The following CSMD1 variants were observed in gnomAD, a reference collection of about 807,000 sequenced individuals.
CSMD1 encodes the protein CUB and Sushi multiple domains 1.
Under a neutral mutation model 417.5 loss-of-function variants are expected in CSMD1, and 213 were observed. The observed-to-expected ratio is 0.51, with a 90% CI of 0.46 to 0.57. The LOEUF (loss-of-function observed/expected upper bound fraction) is 0.57. Ranked by LOEUF, CSMD1 falls within the 20% of genes least tolerant of loss-of-function variation. CSMD1 has a pLI of 0.00. For missense variants in CSMD1, 6,923 were observed against 4,529.7 expected, an observed-to-expected ratio of 1.53 and a Z score of -15.17; for synonymous variants, 2,862 against 1,736.8, an observed-to-expected ratio of 1.65 and a Z score of -16.11.
chr8:3,632,466 A>G (rs1459946701), intron 7 of CSMD1, among the ~76,000 whole-genome samples: 4 of 152,204 alleles, frequency 2.6e-5, no homozygotes, highest in African/African-American at 7.2e-5. Context: ...AAGTGCCTAC[A>G]TATATCTCAT....
intron 3 of CSMD1, among the ~76,000 whole-genome samples, chr8:4,072,467 G>T (rs190379810): frequency 4.8e-4 from 73 of 152,104 alleles, no homozygotes; most frequent in African/African-American, 1.6e-3. Context: ...TTATTATTTC[G>T]CACTTGTAGT....
chr8:4,616,048 A>T (rs764451784), intron 2 of CSMD1, among the ~76,000 whole-genome samples: 13 of 152,170 alleles, frequency 8.5e-5, no homozygotes, highest in Non-Finnish European at 1.5e-5. Flanking sequence ...ACTTAGTTCT[A>T]CCCAATAGTC....
intron 1 of CSMD1, among the ~76,000 whole-genome samples, chr8:4,917,122 G>T (rs565328760): frequency 6.6e-6 from 1 of 152,276 alleles, no homozygotes; most frequent in South Asian, 2.1e-4. Context: ...TTACAGTCAT[G>T]GTGGAAGGGA....
chr8:3,483,602 G>T (rs988411123), intron 11 of CSMD1, among the ~76,000 whole-genome samples: 3 of 151,826 alleles, frequency 2.0e-5, no homozygotes, highest in Non-Finnish European at 4.4e-5. Context: ...TAACAAAAGA[G>T]AAAATATTTT....
At chr8:4,291,668 A>C (rs534169310) in intron 3 of CSMD1, among the ~76,000 whole-genome samples, 1 of 152,194 alleles carries the variant, frequency 6.6e-6, no homozygotes, top group Non-Finnish European at 1.5e-5. Context: ...TTCCTACCAG[A>C]AAGATACAAA....
intron 1 of CSMD1, among the ~76,000 whole-genome samples, chr8:4,758,392 G>C (rs945066605): frequency 6.6e-6 from 1 of 152,134 alleles, no homozygotes; most frequent in Middle Eastern, 3.2e-3. Context: ...AATCCTGGTA[G>C]AATGAGCAAG....
intron 5 of CSMD1, among the ~76,000 whole-genome samples, chr8:3,770,050 G>C (rs766829547): frequency 1.3e-5 from 2 of 152,124 alleles, no homozygotes; most frequent in Non-Finnish European, 2.9e-5. Flanking sequence ...TGTGATTCCT[G>C]ATCAGGGAAG....
At chr8:3,098,880 T>A (rs1815533942) in intron 46 of CSMD1, among the ~76,000 whole-genome samples, 1 of 150,332 alleles carries the variant, frequency 6.7e-6, no homozygotes, top group Non-Finnish European at 1.5e-5. Context: ...TTAGAGCCAA[T>A]ATACACAATT....
At chr8:4,864,925 G>A (rs767862080) in intron 1 of CSMD1, among the ~76,000 whole-genome samples, 5 of 145,834 alleles carry the variant, frequency 3.4e-5, no homozygotes, top group Non-Finnish European at 6.0e-5. Context: ...TGATATAACT[G>A]TTCTACAACA....
chr8:3,982,495 A>T (rs1184591641), intron 5 of CSMD1, among the ~76,000 whole-genome samples: 1 of 152,192 alleles, frequency 6.6e-6, no homozygotes. Flanking sequence ...AGGACCAGAA[A>T]AATAACGCAT....
chr8:4,039,298 C>G (rs1470523805), intron 3 of CSMD1, among the ~76,000 whole-genome samples: 1 of 152,120 alleles, frequency 6.6e-6, no homozygotes, highest in Non-Finnish European at 1.5e-5. Context: ...TGTGTACTTT[C>G]TATGTAAACC....
At chr8:3,005,231 C>A (rs1343232407) in intron 52 of CSMD1, among the ~76,000 whole-genome samples, 1 of 152,114 alleles carries the variant, frequency 6.6e-6, no homozygotes, top group African/African-American at 2.4e-5. Context: ...TGGGTGGGAC[C>A]CAGGAATTTG....
At chr8:4,032,177 C>G (rs2130578001) in intron 3 of CSMD1, 78 bp from the exon 4 acceptor site, 1 of 1,011,810 alleles carries the variant, frequency 9.9e-7, no homozygotes, top group Non-Finnish European at 1.4e-6. Context: ...AAAACAGACA[C>G]CATTTTTGAA....
intron 1 of CSMD1, among the ~76,000 whole-genome samples, chr8:4,693,332 A>G (rs527488920): frequency 1.3e-5 from 2 of 152,356 alleles, no homozygotes; most frequent in African/African-American, 2.4e-5. Flanking sequence ...ATAATGTGAT[A>G]CAGGGATGCA....
At chr8:3,916,413 C>T (rs2954620) in intron 5 of CSMD1, among the ~76,000 whole-genome samples, 2 of 152,156 alleles carry the variant, frequency 1.3e-5, no homozygotes, top group East Asian at 1.9e-4. Context: ...ATTTCTAAAA[C>T]TGTCTTAACA....
intron 8 of CSMD1, chr8:3,613,194 A>T (rs1303330770): frequency 4.2e-6 from 1 of 239,188 alleles, no homozygotes; most frequent in East Asian, 1.5e-4. Context: ...AAAGATACAC[A>T]CTATCAAAGC....
At chr8:3,861,516 G>C (rs975402523) in intron 5 of CSMD1, among the ~76,000 whole-genome samples, 19 of 152,156 alleles carry the variant, frequency 1.2e-4, no homozygotes, top group African/African-American at 4.3e-4. Flanking sequence ...ACCTGCACCT[G>C]ATGCCTCTTG....
intron 7 of CSMD1, among the ~76,000 whole-genome samples, chr8:3,629,490 C>T (rs1030309402): frequency 1.3e-5 from 2 of 152,134 alleles, no homozygotes; most frequent in African/African-American, 4.8e-5. Context: ...CACAATACAC[C>T]TAGCATTGCT....
intron 17 of CSMD1, among the ~76,000 whole-genome samples, chr8:3,395,316 C>T (rs1006588452): frequency 6.6e-6 from 1 of 152,092 alleles, no homozygotes; most frequent in South Asian, 2.1e-4. Context: ...CTTTTTCTCG[C>T]TTTTTCCGTG....
Sources: allele counts gnomAD v4.1 joint callset (sites outside exome capture counted in the v4.1 genomes callset), GRCh38; gene constraint gnomAD v4.1.1; transcripts MANE v1.5; gene names NCBI Gene and HGNC (gene_info 2026-07-23, HGNC 2026-07-21).